Variants in ZBTB20 observed in about 807,000 individuals in gnomAD.
The protein encoded by ZBTB20 is zinc finger and BTB domain containing 20, also known as zinc finger and BTB domain-containing protein 20.
ZBTB20 carries 9 observed loss-of-function variants against 56.9 expected under a neutral mutation model. That is an observed-to-expected ratio of 0.16 (90% CI 0.10 to 0.28). The LOEUF (loss-of-function observed/expected upper bound fraction) is 0.28. ZBTB20 is among the 10% of genes least tolerant of loss of function. The pLI is 1.00. For synonymous variants in ZBTB20, 417 were observed against 420.7 expected (o/e 0.99, Z 0.11); for missense variants, 655 against 1,003.0 (o/e 0.65, Z 4.69).
rs553436679 is a variant in ZBTB20 at position 114,859,525 on chromosome 3, T to G, written c.-417+40779A>C. Among the ~76,000 whole-genome samples, 4 of 151,976 alleles carry G rather than the reference T, an allele frequency of 2.6e-5. No homozygotes were observed. In the East Asian group the frequency reaches 5.8e-4, roughly 22 times the overall value. ...TGTTTCAGAATCCACATGCTTTTAC[T>G]ATTCATCATGCTAACTTAGGGGGAA... On this transcript the variant is annotated intron_variant, in intron 4 of 11. Transcript: ENST00000675478.
In ZBTB20 at chr3:114,320,122, G is replaced by T. The variant is rs890317838; in HGVS notation, c.*18883C>A. On this transcript the variant is annotated 3_prime_UTR_variant, in exon 12 of 12. Transcript: ENST00000675478. Reference sequence around the variant, plus strand: ...TTTTCAGCATTGTAGTTTAAACTATGTATTTTTCTTACTTGATGATATTAA... The same window carrying T: ...TTTTCAGCATTGTAGTTTAAACTATTTATTTTTCTTACTTGATGATATTAA... 1 of 152,044 alleles carries T rather than the reference G, an allele frequency of 6.6e-6. No homozygotes were observed. The highest frequency in any genetic ancestry group is 2.4e-5 in the African/African-American group (1 of 41,420). 9.4% of individuals were successfully genotyped at this position (152,044 alleles called of 1,614,324 possible).
intron 2 of ZBTB20, among the ~76,000 whole-genome samples, chr3:115,070,550 A>G (rs774983726): frequency 6.6e-6 from 1 of 152,128 alleles, no homozygotes; most frequent in Non-Finnish European, 1.5e-5. Context: ...TATAAACAAT[A>G]CTATTTAATA....
intron 6 of ZBTB20, among the ~76,000 whole-genome samples, chr3:114,610,084 A>G (rs1354464540): frequency 6.6e-6 from 1 of 152,150 alleles, no homozygotes; most frequent in Non-Finnish European, 1.5e-5. Context: ...AAAAGCAGCA[A>G]CAGCAGCAGC....
chr3:114,717,405 T>C (rs571541602), intron 5 of ZBTB20, among the ~76,000 whole-genome samples: 2 of 152,222 alleles, frequency 1.3e-5, no homozygotes, highest in Admixed American at 1.3e-4. Context: ...GAACTTTAAG[T>C]AGACCAAGAT....
chr3:115,017,949 T>C (rs1358259198), intron 2 of ZBTB20, among the ~76,000 whole-genome samples: 1 of 151,604 alleles, frequency 6.6e-6, no homozygotes, highest in Non-Finnish European at 1.5e-5. Context: ...ATTTCTGTGC[T>C]GGCAAGAAAC....
At chr3:114,807,634 C>T (rs1390602938) in intron 4 of ZBTB20, among the ~76,000 whole-genome samples, 2 of 152,154 alleles carry the variant, frequency 1.3e-5, no homozygotes, top group Middle Eastern at 3.4e-3. Flanking sequence ...ATTATAAGTT[C>T]TTCATAGATG....
chr3:114,707,930 T>C (rs2063815573), intron 5 of ZBTB20, among the ~76,000 whole-genome samples: 1 of 152,196 alleles, frequency 6.6e-6, no homozygotes, highest in South Asian at 2.1e-4. Flanking sequence ...CTATTTATAT[T>C]GTACCTTATC....
At chr3:114,680,212 C>A (rs2061886525) in intron 6 of ZBTB20, among the ~76,000 whole-genome samples, 1 of 152,088 alleles carries the variant, frequency 6.6e-6, no homozygotes, top group Admixed American at 6.6e-5. Flanking sequence ...TGCAGCAAAC[C>A]ACCATGGCAT....
intron 2 of ZBTB20, among the ~76,000 whole-genome samples, chr3:115,041,387 C>G (rs750173020): frequency 3.3e-5 from 5 of 152,052 alleles, no homozygotes; most frequent in Non-Finnish European, 7.4e-5. Context: ...AACCAAAACT[C>G]TAGTTTTTTT....
rs1186923056 is a variant in ZBTB20, at chr3:114,333,322, C to T, written c.*5683G>A. On this transcript the variant is annotated 3_prime_UTR_variant, in exon 12 of 12. Coordinates refer to ENST00000675478, the MANE Select transcript of ZBTB20 (RefSeq NM_001348800.3). ...TCTCAAGAGCAAGGGCTCTTCCGTG[C>T]CCCTTTTCTGCCTCTGTATGTAGCC... 6.6e-6 allele frequency: 1 copy of T among 151,934 alleles called. No individual in the cohort carries two copies. Among genetic ancestry groups the T allele is most frequent in the Non-Finnish European group, 1.5e-5 (1 of 67,806 alleles). 9.4% of individuals were successfully genotyped at this position (151,934 alleles called of 1,614,324 possible).
chr3:114,370,983 G>A (rs1215660585), intron 10 of ZBTB20, among the ~76,000 whole-genome samples: 1 of 151,792 alleles, frequency 6.6e-6, no homozygotes, highest in Non-Finnish European at 1.5e-5. Context: ...TCCTATTACC[G>A]CCCCCTTCAG....
At chr3:114,531,722 C>G (rs1346910212) in intron 6 of ZBTB20, among the ~76,000 whole-genome samples, 1 of 152,170 alleles carries the variant, frequency 6.6e-6, no homozygotes, top group Non-Finnish European at 1.5e-5. Context: ...GGAACAGCTC[C>G]CGTCTGCAGC....
chr3:114,865,699 AGATT>A (rs1560338558), intron 4 of ZBTB20, among the ~76,000 whole-genome samples: 7 of 152,220 alleles, frequency 4.6e-5, no homozygotes, highest in African/African-American at 7.2e-5. Context: ...GTGCTTCACT[AGATT>A]TCATAAATCT....
rs2078816684 is a variant in ZBTB20 at position 114,319,530 on chromosome 3, G to C, written c.*19475C>G. On this transcript the variant is annotated 3_prime_UTR_variant, in exon 12 of 12. Coordinates refer to ENST00000675478, the MANE Select transcript of ZBTB20 (RefSeq NM_001348800.3). ...TCAGTTGGCTAGGAAAAATACCGCT[G>C]TTCTTCCCTTTACTGTGCATTTGTA... 6.6e-6 allele frequency: 1 copy of C among 152,120 alleles called. No individual in the cohort carries two copies. The highest frequency in any genetic ancestry group is 6.6e-5 in the Admixed American group (1 of 15,264). 9.4% of individuals were successfully genotyped at this position (152,120 alleles called of 1,614,324 possible). A position where few individuals can be genotyped will look rare whatever the true frequency, so the allele number is the denominator to read the frequency against.
intron 5 of ZBTB20, among the ~76,000 whole-genome samples, chr3:114,710,627 T>C (rs2064007077): frequency 6.6e-6 from 1 of 152,170 alleles, no homozygotes; most frequent in African/African-American, 2.4e-5. Flanking sequence ...TCAGCAACTT[T>C]TGTCAGCCCT....
intron 5 of ZBTB20, among the ~76,000 whole-genome samples, chr3:114,718,976 GA>G (rs914279598): frequency 6.6e-6 from 1 of 151,296 alleles, no homozygotes; most frequent in Non-Finnish European, 1.5e-5. Context: ...ATTAATCCAG[GA>G]AAAAAATCCC....
intron 1 of ZBTB20, among the ~76,000 whole-genome samples, chr3:115,105,814 TG>T (rs139957574): frequency 0.034 from 5,203 of 152,236 alleles, 190 homozygotes; most frequent in Admixed American, 0.12. Flanking sequence ...TTGTGTATTT[TG>T]GGGGTTTTGT....
At chr3:114,495,742 G>A (rs911207792) in intron 7 of ZBTB20, among the ~76,000 whole-genome samples, 1 of 152,164 alleles carries the variant, frequency 6.6e-6, no homozygotes, top group East Asian at 1.9e-4. Flanking sequence ...GAAATGAGGA[G>A]GAAGGGTCCT....
chr3:114,759,509 T>C (rs1578743178), intron 5 of ZBTB20, among the ~76,000 whole-genome samples: 1 of 152,148 alleles, frequency 6.6e-6, no homozygotes, highest in Non-Finnish European at 1.5e-5. Context: ...GCAGACAACA[T>C]TCACAAAAGA....
Sources: allele counts gnomAD v4.1 joint callset (sites outside exome capture counted in the v4.1 genomes callset), GRCh38; gene constraint gnomAD v4.1.1; transcripts MANE v1.5; gene names NCBI Gene and HGNC (gene_info 2026-07-23, HGNC 2026-07-21).